ABCA12: variants seen among roughly 807,000 people sequenced by gnomAD.
ABCA12 encodes ATP binding cassette subfamily A member 12.
ABCA12 carries 156 observed loss-of-function variants against 293.5 expected under a neutral mutation model. The ratio of observed to expected loss-of-function variants is 0.53; its 90% CI spans 0.47 to 0.61. The LOEUF (loss-of-function observed/expected upper bound fraction) is 0.61. Ranked by LOEUF, ABCA12 falls within the 20% of genes least tolerant of loss-of-function variation. ABCA12 has a pLI of 0.00. For synonymous variants in ABCA12, 1,063 were observed against 1,108.0 expected (o/e 0.96, Z 0.81); for missense variants, 2,797 against 3,090.2 (o/e 0.91, Z 2.25).
Position 214,980,641 on chromosome 2 carries a change from T to C in ABCA12, c.4582A>G (p.Arg1528Gly). 6.2e-7 allele frequency: 1 copy of C among 1,614,080 alleles called. No individual in the cohort carries two copies. ...TGGTGCGTTGACAGAATGATTGTTC[T>C]GGCTTGAAAATACAGACAAGAACAA... ...WDVISKNKTA[R>G]TIILSTHHLD... The change falls in exon 31 of 53, where the codon AGA (arginine) becomes GGA (glycine). Residue 1528 changes from arginine (R) to glycine (G), a missense_variant and splice_region_variant. Transcript: ENST00000272895.
chr2:215,114,621 T>C (rs1702649186), intron 1 of ABCA12, among the ~76,000 whole-genome samples: 1 of 152,178 alleles, frequency 6.6e-6, no homozygotes. Flanking sequence ...ACAGAAAGTG[T>C]ATTGCAAAAA....
chr2:215,109,759 A>G (rs1286403425), intron 2 of ABCA12, among the ~76,000 whole-genome samples: 2 of 152,162 alleles, frequency 1.3e-5, no homozygotes, highest in Non-Finnish European at 2.9e-5. Flanking sequence ...ATCAGGTAAT[A>G]TCAATTAATT....
chr2:215,032,935 C>G (rs1700910810), intron 8 of ABCA12, among the ~76,000 whole-genome samples: 1 of 152,032 alleles, frequency 6.6e-6, no homozygotes. Flanking sequence ...TTTGCTGGTC[C>G]TGATTATTAA....
chr2:214,979,358 A>G (rs994215323), intron 31 of ABCA12, among the ~76,000 whole-genome samples: 2 of 152,042 alleles, frequency 1.3e-5, no homozygotes, highest in African/African-American at 4.8e-5. Flanking sequence ...TGGTGGTCCT[A>G]TACCTCCAGA....
At chr2:214,948,524 G>A (rs1189646127) in intron 47 of ABCA12, 72 bp downstream of exon 47, 1 of 1,511,950 alleles carries the variant, frequency 6.6e-7, no homozygotes. Context: ...GACAGTGGGT[G>A]TGGTGGGGTG....
chr2:215,079,978 A>G (rs1701906968), intron 2 of ABCA12, among the ~76,000 whole-genome samples: 1 of 152,170 alleles, frequency 6.6e-6, no homozygotes, highest in African/African-American at 2.4e-5. Flanking sequence ...GTTTCCCTAT[A>G]TGTGGCATGT....
intron 9 of ABCA12, 35 bp downstream of exon 9, chr2:215,031,786 G>A (rs1700882894): frequency 1.2e-6 from 2 of 1,612,852 alleles, no homozygotes; most frequent in Non-Finnish European, 1.7e-6. Flanking sequence ...ATTCAGCCAA[G>A]TTATCTACCT....
Position 214,989,255 on chromosome 2 carries a change from T to G in ABCA12, c.3829+74A>C, listed in dbSNP as rs1483305008. On this transcript the variant is annotated intron_variant, in intron 26 of 52. Transcript: ENST00000272895. ...TAAAAATTTTTTGCAAATAAAATAT[T>G]AGAACATATTATTAGTTGATTTATA... The G allele has an allele frequency of 5.1e-6, 7 of 1,369,800 alleles. No homozygotes were observed. The African/African-American group carries it at 9.1e-5, about 18-fold the overall frequency. 84.9% of individuals were successfully genotyped at this position (1,369,800 alleles called of 1,614,324 possible).
At chr2:215,043,873 T>A (rs1210037782) in intron 7 of ABCA12, among the ~76,000 whole-genome samples, 4 of 152,096 alleles carry the variant, frequency 2.6e-5, no homozygotes, top group African/African-American at 4.8e-5. Flanking sequence ...AGATTAATTG[T>A]GTCAATTCTA....
intron 2 of ABCA12, among the ~76,000 whole-genome samples, chr2:215,108,282 A>G (rs1191196420): frequency 6.6e-6 from 1 of 152,232 alleles, no homozygotes; most frequent in Non-Finnish European, 1.5e-5. Context: ...TAATACATAC[A>G]TTGGAATGCA....
At chr2:215,008,150 CA>C (rs1431432824) in intron 18 of ABCA12, among the ~76,000 whole-genome samples, 1 of 152,158 alleles carries the variant, frequency 6.6e-6, no homozygotes, top group Non-Finnish European at 1.5e-5. Flanking sequence ...TCACCAACGA[CA>C]CACTTAACTT....
intron 51 of ABCA12, among the ~76,000 whole-genome samples, chr2:214,936,288 C>T (rs1281628959): frequency 6.6e-6 from 1 of 152,080 alleles, no homozygotes; most frequent in Non-Finnish European, 1.5e-5. Flanking sequence ...ATAGTGTATA[C>T]CAGATTTGGT....
chr2:214,934,046 G>GT, intron 52 of ABCA12, 32 bp downstream of exon 52: 1 of 1,596,244 alleles, frequency 6.3e-7, no homozygotes, highest in Admixed American at 1.7e-5. Flanking sequence ...AATATGTGAC[G>GT]TTGTGCACAT....
At chr2:214,941,758 A>G (rs947953556) in intron 50 of ABCA12, among the ~76,000 whole-genome samples, 2 of 147,662 alleles carry the variant, frequency 1.4e-5, no homozygotes, top group Non-Finnish European at 3.0e-5. Flanking sequence ...TTGTTTTATC[A>G]GAGACTAGGA....
At chr2:215,129,469 T>C (rs1192708747) in intron 1 of ABCA12, among the ~76,000 whole-genome samples, 1 of 152,238 alleles carries the variant, frequency 6.6e-6, no homozygotes, top group Admixed American at 6.5e-5. Context: ...TTTACATTTC[T>C]CTTATGATTC....
intron 23 of ABCA12, among the ~76,000 whole-genome samples, chr2:214,996,221 A>G (rs1410134556): frequency 6.6e-6 from 1 of 152,220 alleles, no homozygotes; most frequent in African/African-American, 2.4e-5. Flanking sequence ...ATTTTTGGTG[A>G]CATACATAGA....
At position 215,000,999 on chromosome 2, in the gene ABCA12, G is replaced by T. The variant is rs1700132087; in HGVS notation, c.2885C>A (p.Ser962Tyr). ...ATAGCCTCTGTGCCAGCTTCTGTTAGAAGGAAGCTTAAAAATAACACCTAA... is the reference window on the plus strand; with the variant it reads ...ATAGCCTCTGTGCCAGCTTCTGTTATAAGGAAGCTTAAAAATAACACCTAA... Reference protein sequence around the residue: ...LFGSVIFKLPSNRSWHRGYDS... With the variant: ...LFGSVIFKLPYNRSWHRGYDS... Residue 962 changes from serine (S) to tyrosine (Y), a missense_variant, in exon 22 of 53, where the codon TCT becomes TAT. Transcript: ENST00000272895. 1 of 1,613,890 alleles carries T rather than the reference G, an allele frequency of 6.2e-7. No individual in the cohort carries two copies. Among genetic ancestry groups the T allele is most frequent in the South Asian group, 1.1e-5 (1 of 91,086 alleles).
chr2:215,029,505 A>G (rs1267587311), intron 9 of ABCA12: 2 of 152,046 alleles, frequency 1.3e-5, no homozygotes, highest in East Asian at 1.9e-4. Context: ...CACTTGGTGC[A>G]CTGCTCAACA....
chr2:215,041,018 A>G (rs1701089185), intron 7 of ABCA12, among the ~76,000 whole-genome samples: 1 of 152,166 alleles, frequency 6.6e-6, no homozygotes, highest in Non-Finnish European at 1.5e-5. Context: ...GTTTATGTAA[A>G]TAAAAGTATA....
Sources: allele counts gnomAD v4.1 joint callset (sites outside exome capture counted in the v4.1 genomes callset), GRCh38; gene constraint gnomAD v4.1.1; transcripts MANE v1.5; gene names NCBI Gene and HGNC (gene_info 2026-07-23, HGNC 2026-07-21).